The following MAP2 variants were observed in gnomAD, a reference collection of about 807,000 sequenced individuals.
The protein encoded by MAP2 is microtubule-associated protein 2.
A neutral mutation model predicts 137.6 loss-of-function variants in MAP2; 14 were observed. That is an observed-to-expected ratio of 0.10 (90% confidence interval 0.07 to 0.16). The LOEUF (loss-of-function observed/expected upper bound fraction) is 0.16. MAP2 is among the 10% of genes least tolerant of loss of function. The probability of loss-of-function intolerance (pLI) is 1.00; values close to 1 mark genes in which losing one functional copy is unlikely to be tolerated. For synonymous variants in MAP2, 786 were observed against 782.3 expected (o/e 1.00, Z -0.08); for missense variants, 2,088 against 2,191.5 (o/e 0.95, Z 0.94).
intron 10 of MAP2, among the ~76,000 whole-genome samples, chr2:209,699,575 A>G (rs1045900222): frequency 1.2e-4 from 18 of 152,210 alleles, no homozygotes; most frequent in African/African-American, 3.1e-4. Context: ...CAGCAGCAAG[A>G]GAAACAACAG....
chr2:209,661,168 T>C (rs2043426355), intron 5 of MAP2, among the ~76,000 whole-genome samples: 1 of 152,194 alleles, frequency 6.6e-6, no homozygotes, highest in Admixed American at 6.5e-5. Context: ...TCTCAGAAGA[T>C]TCAAATCTAT....
At chr2:209,512,968 G>C (rs2061949538) in intron 2 of MAP2, among the ~76,000 whole-genome samples, 2 of 152,072 alleles carry the variant, frequency 1.3e-5, no homozygotes, top group African/African-American at 4.8e-5. Flanking sequence ...ATTTTATACT[G>C]TATTTTAAAC....
At chr2:209,586,683 G>A (rs2153420035) in intron 3 of MAP2, among the ~76,000 whole-genome samples, 1 of 152,196 alleles carries the variant, frequency 6.6e-6, no homozygotes, top group South Asian at 2.1e-4. Flanking sequence ...AGTCAACTGG[G>A]GATCTTACTA....
At chr2:209,505,125 A>G (rs2060876754) in intron 1 of MAP2, among the ~76,000 whole-genome samples, 1 of 152,170 alleles carries the variant, frequency 6.6e-6, no homozygotes, top group South Asian at 2.1e-4. Flanking sequence ...AAAACAAAAA[A>G]TAAACAACAA....
chr2:209,558,200 A>G (rs183195300), intron 2 of MAP2, among the ~76,000 whole-genome samples: 1 of 151,584 alleles, frequency 6.6e-6, no homozygotes, highest in East Asian at 1.9e-4. Flanking sequence ...TTCTTTCTTT[A>G]TTTTTTTGAG....
intron 5 of MAP2, among the ~76,000 whole-genome samples, chr2:209,666,586 A>T (rs935995093): frequency 2.2e-4 from 34 of 152,066 alleles, no homozygotes; most frequent in African/African-American, 8.0e-4. Flanking sequence ...TGCTCATATG[A>T]TCCTAATACA....
Position 209,596,393 on chromosome 2 carries a change from A to G in MAP2, c.-107+16293A>G, listed in dbSNP as rs1432820958. Among the ~76,000 whole-genome samples the G allele has an allele frequency of 2.0e-5, 3 of 152,248 alleles. No homozygotes were observed. The East Asian group carries it at 5.8e-4, about 29-fold the overall frequency. On this transcript the variant is annotated intron_variant, in intron 3 of 15. Coordinates refer to ENST00000682079, the MANE Select transcript of MAP2 (RefSeq NM_001375505.1). ...CAGCATGATGCATCTACAATTAGAT[A>G]TATGACTGCTATTCATTCTTATTTT...
chr2:209,524,282 T>C (rs2063704295), intron 2 of MAP2, among the ~76,000 whole-genome samples: 1 of 151,506 alleles, frequency 6.6e-6, no homozygotes, highest in Non-Finnish European at 1.5e-5. Flanking sequence ...AGAAATATGA[T>C]TTTTTTCAAC....
intron 2 of MAP2, among the ~76,000 whole-genome samples, chr2:209,542,494 G>A (rs113988061): frequency 1.4e-4 from 21 of 152,342 alleles, no homozygotes; most frequent in African/African-American, 5.1e-4. Flanking sequence ...GTGAAGCTAG[G>A]CATTGACTTT....
chr2:209,603,469 C>G (rs1214545095), intron 3 of MAP2, among the ~76,000 whole-genome samples: 1 of 152,034 alleles, frequency 6.6e-6, no homozygotes, highest in East Asian at 1.9e-4. Flanking sequence ...GAACAATCTG[C>G]CCCCAGTGAT....
intron 2 of MAP2, among the ~76,000 whole-genome samples, chr2:209,529,090 C>A (rs576540287): frequency 6.6e-6 from 1 of 151,996 alleles, no homozygotes; most frequent in South Asian, 2.1e-4. Context: ...ATTTGTCTCT[C>A]AAATGGAGTT....
chr2:209,486,792 G>T (rs974688861), intron 1 of MAP2, among the ~76,000 whole-genome samples: 4 of 152,154 alleles, frequency 2.6e-5, no homozygotes, highest in African/African-American at 9.7e-5. Context: ...AATACTTTCT[G>T]CTCCAGTGCT....
intron 1 of MAP2, among the ~76,000 whole-genome samples, chr2:209,448,820 A>G (rs1007973620): frequency 6.6e-6 from 1 of 152,178 alleles, no homozygotes; most frequent in Non-Finnish European, 1.5e-5. Flanking sequence ...ATTTATACCT[A>G]TAAAAAACCT....
At chr2:209,558,583 A>T (rs2071233818) in intron 2 of MAP2, among the ~76,000 whole-genome samples, 1 of 151,258 alleles carries the variant, frequency 6.6e-6, no homozygotes, top group Non-Finnish European at 1.5e-5. Flanking sequence ...TCATTACTAC[A>T]ATACTGTTAT....
chr2:209,451,441 T>G (rs2149484717), intron 1 of MAP2, among the ~76,000 whole-genome samples: 1 of 152,292 alleles, frequency 6.6e-6, no homozygotes, highest in Admixed American at 6.5e-5. Flanking sequence ...ACAGTGTCTG[T>G]GCCTCCCAGG....
chr2:209,491,349 G>T (rs990579211), intron 1 of MAP2, among the ~76,000 whole-genome samples: 23 of 152,184 alleles, frequency 1.5e-4, no homozygotes, highest in African/African-American at 5.1e-4. Flanking sequence ...AAGTGGGAAA[G>T]ATCTAAAATT....
At chr2:209,424,329 T>A (rs1231911420) in intron 1 of MAP2, 53 bp downstream of exon 1, 1 of 152,210 alleles carries the variant, frequency 6.6e-6, no homozygotes, top group African/African-American at 2.4e-5. Flanking sequence ...TCCTTTTGCC[T>A]CGGTCTCTGA....
intron 13 of MAP2, among the ~76,000 whole-genome samples, chr2:209,723,060 A>G (rs1311956682): frequency 1.3e-5 from 2 of 152,228 alleles, no homozygotes; most frequent in Non-Finnish European, 2.9e-5. Flanking sequence ...TTCTTACCCT[A>G]GATGAATGAG....
rs564158094 is a variant in MAP2 at position 209,638,877 on chromosome 2, A to G, written c.-30+13748A>G. ...ACAGCATTCCTGATATAAACCTGGT[A>G]TTCAATCAATGATCATTGAATAAGA... On this transcript the variant is annotated intron_variant, in intron 4 of 15. Transcript: ENST00000682079. 3.9e-5 allele frequency among the ~76,000 whole-genome samples: 6 copies of G among 152,290 alleles called. No homozygotes were observed. In the East Asian group the frequency reaches 1.2e-3, roughly 29 times the overall value.
Sources: allele counts gnomAD v4.1 joint callset (sites outside exome capture counted in the v4.1 genomes callset), GRCh38; gene constraint gnomAD v4.1.1; transcripts MANE v1.5; gene names NCBI Gene and HGNC (gene_info 2026-07-23, HGNC 2026-07-21).